The following NME5 variants were observed in gnomAD, a reference collection of about 807,000 sequenced individuals.
The protein encoded by NME5 is nucleoside diphosphate kinase 5.
A neutral mutation model predicts 21.6 loss-of-function variants in NME5; 18 were observed. That is an observed-to-expected ratio of 0.83 (90% confidence interval 0.58 to 1.24). NME5 has a LOEUF of 1.24. Among genes scored for constraint, NME5 ranks in the 50% most tolerant of loss-of-function variants. The pLI, the probability that NME5 is intolerant of heterozygous loss-of-function variation, is 0.00. For missense variants in NME5, 223 were observed against 255.4 expected, an observed-to-expected ratio of 0.87 and a Z score of 0.86; for synonymous variants, 70 against 80.6, an observed-to-expected ratio of 0.87 and a Z score of 0.71.
chr5:138,131,934 G>C (rs1009816258), intron 2 of NME5, among the ~76,000 whole-genome samples: 2 of 152,132 alleles, frequency 1.3e-5, no homozygotes, highest in South Asian at 2.1e-4. Context: ...AGTAGAGACA[G>C]GTTTTTCGCT....
chr5:138,128,792 T>C (rs540834525), intron 3 of NME5: 95 of 448,734 alleles, frequency 2.1e-4, no homozygotes, highest in African/African-American at 1.7e-3. Context: ...ACTGAGAAAA[T>C]AGGAGTTCTC....
At chr5:138,118,148 T>C (rs1345226342) in intron 5 of NME5, among the ~76,000 whole-genome samples, 1 of 152,038 alleles carries the variant, frequency 6.6e-6, no homozygotes, top group Admixed American at 6.6e-5. Context: ...TTTTTTGAGA[T>C]GGAGTCTCGC....
intron 2 of NME5, among the ~76,000 whole-genome samples, chr5:138,135,260 G>A (rs1418142665): frequency 6.9e-6 from 1 of 144,116 alleles, no homozygotes; most frequent in Non-Finnish European, 1.5e-5. Context: ...GGAGCTTGCC[G>A]TGAGCCGAGA....
At chr5:138,132,140 G>A (rs1210224234) in intron 2 of NME5, among the ~76,000 whole-genome samples, 1 of 152,174 alleles carries the variant, frequency 6.6e-6, no homozygotes, top group Non-Finnish European at 1.5e-5. Flanking sequence ...CAGGCGGACT[G>A]CTTGAGTCCA....
intron 2 of NME5, among the ~76,000 whole-genome samples, chr5:138,130,865 G>A (rs1025435088): frequency 2.2e-4 from 33 of 152,070 alleles, no homozygotes; most frequent in South Asian, 1.0e-3. Flanking sequence ...GGCAGAGGTT[G>A]CAGGGAGCCA....
intron 5 of NME5, 71 bp downstream of exon 5, chr5:138,118,747 G>T: frequency 2.0e-6 from 2 of 1,017,348 alleles, no homozygotes; most frequent in Admixed American, 3.6e-5. Flanking sequence ...CTCCCAAAGT[G>T]CTGGGATTAC....
At chr5:138,126,510 CAAAAAAAAAAA>C (rs57938582) in intron 4 of NME5, among the ~76,000 whole-genome samples, 5 of 54,204 alleles carry the variant, frequency 9.2e-5, no homozygotes, top group Admixed American at 6.7e-4. Flanking sequence ...GAATCTATCT[CAAAAAAAAAAA>C]AAAAAAAAAA....
chr5:138,126,294 G>A (rs1751423293), intron 4 of NME5, among the ~76,000 whole-genome samples: 1 of 151,998 alleles, frequency 6.6e-6, no homozygotes, highest in African/African-American at 2.4e-5. Flanking sequence ...AGTATTGCTT[G>A]AGCCCAAGAG....
chr5:138,132,088 G>A (rs976569372), intron 2 of NME5, among the ~76,000 whole-genome samples: 11 of 152,236 alleles, frequency 7.2e-5, no homozygotes, highest in South Asian at 2.1e-4. Context: ...GGCCAGGCTC[G>A]GTGGCTCATG....
intron 2 of NME5, among the ~76,000 whole-genome samples, chr5:138,135,117 G>A (rs576783686): frequency 1.3e-5 from 2 of 148,856 alleles, no homozygotes; most frequent in East Asian, 2.2e-4. Flanking sequence ...AGGAGATCGA[G>A]ACCATCCGGG....
chr5:138,136,322 T>C (rs1751696559), intron 2 of NME5, among the ~76,000 whole-genome samples: 2 of 152,352 alleles, frequency 1.3e-5, no homozygotes, highest in South Asian at 4.1e-4. Flanking sequence ...TTCCCTTTGA[T>C]AGGGGTTGTG....
chr5:138,118,563 G>A (rs893084197), intron 5 of NME5, among the ~76,000 whole-genome samples: 2 of 151,634 alleles, frequency 1.3e-5, no homozygotes, highest in African/African-American at 2.4e-5. Context: ...TCGGCTCACT[G>A]CAACCTCTGC....
rs554884994 is a variant in NME5 at position 138,115,836 on chromosome 5, T to C, written c.556-72A>G. ...TTCCTTTCAATATATACTATATCAA[T>C]TGGAAACTTAAACAGTTTTCAAAAT... On this transcript the variant is annotated intron_variant, in intron 5 of 5. Coordinates refer to ENST00000265191, the MANE Select transcript of NME5 (RefSeq NM_003551.3). 2.4e-4 allele frequency: 231 copies of C among 980,080 alleles called. No homozygotes were observed. In the African/African-American group the frequency reaches 2.6e-3, roughly 11 times the overall value. 60.7% of individuals were successfully genotyped at this position (980,080 alleles called of 1,614,324 possible). A position where few individuals can be genotyped will look rare whatever the true frequency, so the allele number is the denominator to read the frequency against.
intron 5 of NME5, chr5:138,116,281 G>C (rs1408368945): frequency 6.6e-6 from 1 of 152,256 alleles, no homozygotes; most frequent in Admixed American, 6.5e-5. Context: ...TGGATACGGA[G>C]ATTTGATATT....
chr5:138,122,576 G>A (rs960231984), intron 4 of NME5, among the ~76,000 whole-genome samples: 1 of 149,794 alleles, frequency 6.7e-6, no homozygotes, highest in African/African-American at 2.5e-5. Flanking sequence ...CACAATTAAT[G>A]TATACAATTT....
chr5:138,135,542 T>G (rs1320055111), intron 2 of NME5, among the ~76,000 whole-genome samples: 1 of 151,500 alleles, frequency 6.6e-6, no homozygotes, highest in Non-Finnish European at 1.5e-5. Context: ...ACCATGTTGG[T>G]CAGGCTGGTC....
At chr5:138,124,066 G>A (rs140013532) in intron 4 of NME5, among the ~76,000 whole-genome samples, 2 of 120,642 alleles carry the variant, frequency 1.7e-5, no homozygotes, top group East Asian at 6.0e-4. Flanking sequence ...GCGCGATCTT[G>A]GCTCACTGCA....
At chr5:138,127,735 A>C in intron 4 of NME5, 1 of 961,220 alleles carries the variant, frequency 1.0e-6, no homozygotes, top group Non-Finnish European at 1.2e-6. Flanking sequence ...GGGACTAGTT[A>C]TTAATTTCTC....
chr5:138,129,812 G>C (rs1001683049), intron 2 of NME5, among the ~76,000 whole-genome samples: 16 of 152,096 alleles, frequency 1.1e-4, no homozygotes, highest in African/African-American at 3.4e-4. Context: ...CAAAAAATTA[G>C]CCGGGCGGGC....
Sources: allele counts gnomAD v4.1 joint callset (sites outside exome capture counted in the v4.1 genomes callset), GRCh38; gene constraint gnomAD v4.1.1; transcripts MANE v1.5; gene names NCBI Gene and HGNC (gene_info 2026-07-23, HGNC 2026-07-21).